Variants in ALOX5 observed in about 807,000 individuals in gnomAD.
ALOX5 encodes the protein arachidonate 5-lipoxygenase, also known as polyunsaturated fatty acid 5-lipoxygenase.
In ALOX5, 64 loss-of-function variants were observed where a neutral mutation model predicts 87.9. The observed-to-expected ratio is 0.73, with a 90% CI of 0.60 to 0.90. The LOEUF (loss-of-function observed/expected upper bound fraction) is 0.90. ALOX5 is among the 40% of genes least tolerant of loss of function. ALOX5 has a pLI of 0.00. For missense variants in ALOX5, 822 were observed against 907.5 expected (o/e 0.91, Z 1.21); for synonymous variants, 388 against 355.1 (o/e 1.09, Z -1.04).
Position 45,443,808 on chromosome 10 carries a change from G to T in ALOX5, c.1654G>T (p.Ala552Ser). 6.2e-7 allele frequency: 1 copy of T among 1,609,160 alleles called. No homozygotes were observed. Among genetic ancestry groups the T allele is most frequent in the Non-Finnish European group, 8.5e-7 (1 of 1,178,170 alleles). Residue 552 changes from alanine (A) to serine (S), a missense_variant, in exon 12 of 14, where the codon GCC becomes TCC. By Grantham distance (99) the Ala-to-Ser change is moderately conservative (BLOSUM62 1). Coordinates refer to ENST00000374391, the MANE Select transcript of ALOX5 (RefSeq NM_000698.5). ...VVIFTASAQH[A>S]AVNFGQYDWC... is the part of the protein sequence containing the mutation. Reference sequence around the variant, plus strand: ...GATCTTCACCGCCTCCGCCCAGCACGCCGCGGTCAACTTCGGCCAGGTAGG... The same window carrying T: ...GATCTTCACCGCCTCCGCCCAGCACTCCGCGGTCAACTTCGGCCAGGTAGG...
At chr10:45,382,799 G>A (rs1478024552) in intron 2 of ALOX5, 118 bp downstream of exon 2, 1 of 1,256,138 alleles carries the variant, frequency 8.0e-7, no homozygotes, top group Non-Finnish European at 1.1e-6. Flanking sequence ...GGAAGTGGGA[G>A]GGCTCTGCCC....
At chr10:45,379,385 C>A (rs140931068) in intron 1 of ALOX5, among the ~76,000 whole-genome samples, 2 of 152,180 alleles carry the variant, frequency 1.3e-5, no homozygotes, top group African/African-American at 2.4e-5. Context: ...CAGTCCTCAC[C>A]GCACACAGAC....
chr10:45,374,458 G>A (rs1731430338), intron 1 of ALOX5, 29 bp downstream of exon 1: 2 of 1,504,728 alleles, frequency 1.3e-6, no homozygotes, highest in Non-Finnish European at 8.8e-7. Flanking sequence ...CGGGTGGAGC[G>A]CGGGCTGAGG....
chr10:45,391,487 G>A (rs1197104235), intron 2 of ALOX5, among the ~76,000 whole-genome samples: 2 of 152,132 alleles, frequency 1.3e-5, no homozygotes, highest in Admixed American at 6.5e-5. Flanking sequence ...CCAAAGTGCC[G>A]AGATTGCAGC....
At chr10:45,392,228 C>T (rs951020008) in intron 2 of ALOX5, among the ~76,000 whole-genome samples, 6 of 152,272 alleles carry the variant, frequency 3.9e-5, no homozygotes, top group African/African-American at 9.6e-5. Context: ...TCATTGAGAA[C>T]GGGCCATGAT....
rs945694324 is a variant in ALOX5, at chr10:45,441,265, G to A, written c.1186-79G>A. ...GCATCATCCTATAGGGCAGGCCTGG[G>A]TGGGGGAGCTGCGGGTCCCTGAGGC... is the stretch of plus-strand genomic sequence containing the variant. On this transcript the variant is annotated intron_variant, in intron 8 of 13. Transcript: ENST00000374391. The A allele has an allele frequency of 3.3e-5, 42 of 1,284,144 alleles. No homozygotes were observed. In the African/African-American group the frequency reaches 4.5e-4, roughly 14 times the overall value. The allele number at this position is 1,284,144 out of a possible 1,614,324, so 79.5% of individuals were successfully genotyped here.
At chr10:45,427,823 C>A (rs969037968) in intron 6 of ALOX5, among the ~76,000 whole-genome samples, 1 of 152,196 alleles carries the variant, frequency 6.6e-6, no homozygotes, top group African/African-American at 2.4e-5. Flanking sequence ...TCCCACTTCA[C>A]CGGCACGCTC....
intron 10 of ALOX5, 34 bp downstream of exon 10, chr10:45,443,250 G>A: frequency 4.4e-6 from 7 of 1,602,044 alleles, no homozygotes; most frequent in South Asian, 2.2e-5. Flanking sequence ...CCTGGGGGAG[G>A]AGCCGGGACC....
At chr10:45,426,881 C>G (rs1287617278) in intron 6 of ALOX5, among the ~76,000 whole-genome samples, 1 of 152,156 alleles carries the variant, frequency 6.6e-6, no homozygotes, top group African/African-American at 2.4e-5. Context: ...CTTCCACCAG[C>G]TTAGCAAACA....
chr10:45,408,434 A>G lies in ALOX5; in HGVS notation c.432-3757A>G, dbSNP rs562857274. On this transcript the variant is annotated intron_variant, in intron 3 of 13. Transcript: ENST00000374391. ...AAGAGTTTCTGATTGGCAACTGCTT[A>G]AAAGAATTATTATCTAAAAACTTGG... 3.3e-5 allele frequency among the ~76,000 whole-genome samples: 5 copies of G among 152,360 alleles called. No homozygotes were observed. In the South Asian group the frequency reaches 1.0e-3, roughly 32 times the overall value.
intron 9 of ALOX5, among the ~76,000 whole-genome samples, chr10:45,442,202 T>TTCTG (rs1842257933): frequency 6.6e-6 from 1 of 152,162 alleles, no homozygotes; most frequent in Admixed American, 6.5e-5. Context: ...GGCTCCCTCT[T>TTCTG]TCTGTCTCTT....
In ALOX5 at chr10:45,412,313, CG is replaced by C; in HGVS notation, c.554+1del. On this transcript the variant is annotated splice_donor_variant, in intron 4 of 13. Coordinates refer to ENST00000374391, the MANE Select transcript of ALOX5 (RefSeq NM_000698.5). LOFTEE classifies it high-confidence loss of function. ...GACTTTGTTCTGAATTACTCCAAAGCGTAAGTTTACGAGAACTGAGGGACTC... is the reference window on the plus strand; with the variant it reads ...GACTTTGTTCTGAATTACTCCAAAGCTAAGTTTACGAGAACTGAGGGACTC... 6.2e-7 allele frequency: 1 copy of C among 1,613,974 alleles called. No homozygotes were observed. The highest frequency in any genetic ancestry group is 2.2e-5 in the East Asian group (1 of 44,866).
chr10:45,442,466 G>A lies in ALOX5; in HGVS notation c.1273-572G>A, dbSNP rs556479050. 2.6e-5 allele frequency: 4 copies of A among 152,492 alleles called. No individual in the cohort carries two copies. In the East Asian group the frequency reaches 7.7e-4, roughly 29 times the overall value. The allele number at this position is 152,492 out of a possible 1,614,324, so 9.4% of individuals were successfully genotyped here. ...GTGGCACCGACAGCCCAGCCCCCTG[G>A]GTGTATTTGCATGTGTGTGTGTGCA... is the stretch of plus-strand genomic sequence containing the variant. On this transcript the variant is annotated intron_variant, in intron 9 of 13. Coordinates refer to ENST00000374391, the MANE Select transcript of ALOX5 (RefSeq NM_000698.5).
At position 45,412,393 on chromosome 10, in the gene ALOX5, C is replaced by T. The variant is rs1393632646; in HGVS notation, c.554+80C>T. The T allele has an allele frequency of 1.2e-5, 18 of 1,561,774 alleles. No homozygotes were observed. The Admixed American group carries it at 2.8e-4, about 24-fold the overall frequency. On this transcript the variant is annotated intron_variant, in intron 4 of 13. Transcript: ENST00000374391. ...GGGGTGGAACCCTCACTCCTTTCCT[C>T]ATGGGGTCCTTGGGTTGGGGGAACA...
chr10:45,417,585 G>A (rs1035712328), intron 4 of ALOX5, among the ~76,000 whole-genome samples: 2 of 152,274 alleles, frequency 1.3e-5, no homozygotes, highest in African/African-American at 4.8e-5. Context: ...TCAAGACAGT[G>A]GGAGGGCTTA....
intron 3 of ALOX5, among the ~76,000 whole-genome samples, chr10:45,403,122 A>G (rs1486174928): frequency 1.1e-4 from 16 of 152,246 alleles, no homozygotes; most frequent in Admixed American, 1.0e-3. Context: ...ATTATAATCT[A>G]TGACCCAGAA....
At chr10:45,391,920 C>T (rs866822753) in intron 2 of ALOX5, among the ~76,000 whole-genome samples, 5 of 115,708 alleles carry the variant, frequency 4.3e-5, no homozygotes, top group Non-Finnish European at 6.3e-5. Flanking sequence ...CCCCTCCGCC[C>T]GGCAGCCGCC....
chr10:45,381,278 C>T (rs769074965), intron 1 of ALOX5, among the ~76,000 whole-genome samples: 22 of 152,258 alleles, frequency 1.4e-4, no homozygotes, highest in Admixed American at 4.6e-4. Context: ...TGCTTGGTCT[C>T]ACTGTTCTCT....
At chr10:45,403,014 C>T (rs1840756003) in intron 3 of ALOX5, among the ~76,000 whole-genome samples, 2 of 152,154 alleles carry the variant, frequency 1.3e-5, no homozygotes, top group Admixed American at 1.3e-4. Flanking sequence ...AAAGAAGATC[C>T]AGAGGGCTGG....
Sources: gnomAD v4.1 joint callset for allele counts (sites outside exome capture counted in the v4.1 genomes callset) on GRCh38, gnomAD v4.1.1 for gene constraint, MANE v1.5 for transcripts, NCBI Gene and HGNC (gene_info 2026-07-23, HGNC 2026-07-21) for gene names.